GAA: variants seen among roughly 807,000 people sequenced by gnomAD.
GAA encodes lysosomal alpha-glucosidase.
Under a neutral mutation model 103.9 loss-of-function variants are expected in GAA, and 88 were observed. The ratio of observed to expected loss-of-function variants is 0.85; its 90% CI spans 0.71 to 1.01. The LOEUF (loss-of-function observed/expected upper bound fraction) is 1.01, where lower values mean the gene tolerates loss of function less well. GAA is among the 50% of genes least tolerant of loss of function. The pLI, the probability that GAA is intolerant of heterozygous loss-of-function variation, is 0.00. For missense variants in GAA, 1,350 were observed against 1,305.3 expected (o/e 1.03, Z -0.53); for synonymous variants, 572 against 563.1 (o/e 1.02, Z -0.22).
chr17:80,108,476 C>T lies in GAA; in HGVS notation c.1076-13C>T, dbSNP rs780339134. On this transcript the variant is annotated splice_polypyrimidine_tract_variant and intron_variant, in intron 6 of 19. Transcript: ENST00000302262. ...CCTCCTCCCTCCCTCATGAAGTCGG[C>T]GTTGGCCTGCAGGATACCCGTTCAT... 6.8e-6 allele frequency: 11 copies of T among 1,613,160 alleles called. No homozygotes were observed. Among genetic ancestry groups the T allele is most frequent in the Admixed American group, 6.7e-5 (4 of 60,018 alleles).
chr17:80,119,640 C>A lies in GAA; in HGVS notation c.*309C>A. The stretch of plus-strand genomic sequence containing the variant: ...GCCGGCATGCGGGTAGTATTAGCCA[C>A]CCCCCTCCATCTGTTCCCAGCACCG... On this transcript the variant is annotated 3_prime_UTR_variant, in exon 20 of 20. Transcript: ENST00000302262. The A allele has an allele frequency of 2.5e-6, 1 of 392,368 alleles. No homozygotes were observed. Among genetic ancestry groups the A allele is most frequent in the Non-Finnish European group, 4.9e-6 (1 of 204,676 alleles). 24.3% of individuals were successfully genotyped at this position (392,368 alleles called of 1,614,324 possible). A position where few individuals can be genotyped will look rare whatever the true frequency, so the allele number is the denominator to read the frequency against.
In GAA at chr17:80,107,876, T is replaced by C; in HGVS notation, c.935T>C (p.Leu312Pro). Reference sequence around the variant, plus strand: ...GGCGGGTCGGCACACGGGGTGTTCCTGCTAAACAGCAATGCCATGGGTAAG... The same window carrying C: ...GGCGGGTCGGCACACGGGGTGTTCCCGCTAAACAGCAATGCCATGGGTAAG... Reference protein sequence around the residue: ...EDGGSAHGVFLLNSNAMDVVL... With the variant: ...EDGGSAHGVFPLNSNAMDVVL... Residue 312 changes from leucine to proline, a missense_variant, in exon 5 of 20, where the codon CTG becomes CCG. Transcript: ENST00000302262. 6.2e-7 allele frequency: 1 copy of C among 1,611,150 alleles called. No homozygotes were observed. Among genetic ancestry groups the C allele is most frequent in the Non-Finnish European group, 8.5e-7 (1 of 1,179,556 alleles).
intron 17 of GAA, among the ~76,000 whole-genome samples, chr17:80,117,987 G>A (rs565357170): frequency 2.7e-4 from 41 of 152,332 alleles, no homozygotes; most frequent in African/African-American, 8.9e-4. Context: ...TGCCGGGCCC[G>A]GCCTCGGGCA....
rs77924897 is a variant in GAA at position 80,104,287 on chromosome 17, C to T, written c.-32-268C>T. 6.6e-5 allele frequency among the ~76,000 whole-genome samples: 10 copies of T among 152,192 alleles called. No individual in the cohort carries two copies. The East Asian group carries it at 1.7e-3, about 26-fold the overall frequency. The stretch of plus-strand genomic sequence containing the variant: ...TCAAGTGTCTACCTGCCTTGCTGGT[C>T]TTCCTGGGGACATTCTAAGCGTGTT... On this transcript the variant is annotated intron_variant, in intron 1 of 19. Coordinates refer to ENST00000302262, the MANE Select transcript of GAA (RefSeq NM_000152.5). The surrounding 1 kb of genome is among the most constrained non-coding windows in gnomAD (Gnocchi z 4.0).
intron 17 of GAA, 98 bp downstream of exon 17, chr17:80,117,847 T>C (rs1383500560): frequency 1.6e-6 from 2 of 1,274,738 alleles, no homozygotes; most frequent in African/African-American, 3.0e-5. Context: ...AGGTGGGGCT[T>C]CTGAGGGGCC....
rs370236921 is a variant in GAA, at chr17:80,119,338, G to A, written c.*7G>A. 5.1e-5 allele frequency: 83 copies of A among 1,612,774 alleles called. No homozygotes were observed. The highest frequency in any genetic ancestry group is 5.8e-5 in the Non-Finnish European group (68 of 1,178,932). ...TCTCGTCAGCTGGTGTTAGCCGGGC[G>A]GAGTGTGTTAGTCTCTCCAGAGGGA... On this transcript the variant is annotated 3_prime_UTR_variant, in exon 20 of 20. Transcript: ENST00000302262.
rs2039440445 is a variant in GAA, at chr17:80,119,637, C to T, written c.*306C>T. The T allele has an allele frequency of 5.1e-6, 2 of 395,974 alleles. No homozygotes were observed. The highest frequency in any genetic ancestry group is 9.7e-6 in the Non-Finnish European group (2 of 206,782). The allele number at this position is 395,974 out of a possible 1,614,324, so 24.5% of individuals were successfully genotyped here. On this transcript the variant is annotated 3_prime_UTR_variant, in exon 20 of 20. Transcript: ENST00000302262. ...GTTGCCGGCATGCGGGTAGTATTAGCCACCCCCCTCCATCTGTTCCCAGCA... is the reference window on the plus strand; with the variant it reads ...GTTGCCGGCATGCGGGTAGTATTAGTCACCCCCCTCCATCTGTTCCCAGCA...
In GAA at chr17:80,113,257, G is replaced by A; in HGVS notation, c.2080G>A (p.Ala694Thr). ...PYSFSEPAQQ[A>T]MRKALTLRYA... ...CAGCTTCAGCGAGCCGGCCCAGCAG[G>A]CCATGAGGAAGGCCCTCACCCTGCG... Residue 694 changes from alanine to threonine, a missense_variant, in exon 15 of 20, where the codon GCC becomes ACC. Ala to Thr is a moderately conservative substitution (Grantham distance 58, BLOSUM62 0). Coordinates refer to ENST00000302262, the MANE Select transcript of GAA (RefSeq NM_000152.5). The A allele has an allele frequency of 3.7e-6, 6 of 1,602,066 alleles. No homozygotes were observed. Among genetic ancestry groups the A allele is most frequent in the Non-Finnish European group, 5.1e-6 (6 of 1,174,980 alleles).
At chr17:80,111,824 G>T in intron 11 of GAA, 159 bp from the exon 12 acceptor site, 1 of 632,744 alleles carries the variant, frequency 1.6e-6, no homozygotes, top group Non-Finnish European at 2.8e-6. Flanking sequence ...GGTAACGCCA[G>T]CCCCACAGAG....
intron 15 of GAA, among the ~76,000 whole-genome samples, chr17:80,114,844 A>G (rs2039328130): frequency 1.3e-5 from 2 of 152,140 alleles, no homozygotes; most frequent in Admixed American, 1.3e-4. Context: ...GAATTCTCTC[A>G]GTTTTTGTTG....
rs757239086 is a variant in GAA, at chr17:80,118,821, G to A, written c.2799+16G>A. 1.2e-6 allele frequency: 2 copies of A among 1,612,640 alleles called. No individual in the cohort carries two copies. The highest frequency in any genetic ancestry group is 2.2e-5 in the South Asian group (2 of 91,082). ...CGACACCAAGGCAAGAGGGCCCAGA[G>A]TGGCACAGGGATCGCGTCCCCCAGC... is the stretch of plus-strand genomic sequence containing the variant. On this transcript the variant is annotated intron_variant, in intron 19 of 19. Coordinates refer to ENST00000302262, the MANE Select transcript of GAA (RefSeq NM_000152.5).
rs559258217 is a variant in GAA at position 80,112,087 on chromosome 17, A to C, written c.1741A>C (p.Ile581Leu). 1 of 1,613,772 alleles carries C rather than the reference A, an allele frequency of 6.2e-7. No homozygotes were observed. Among genetic ancestry groups the C allele is most frequent in the African/African-American group, 1.3e-5 (1 of 75,032 alleles). ...CAACCTCTACGGCCTGACCGAAGCC[A>C]TCGCCTCCCACAGGTGAGGGCCACG... ...LHNLYGLTEA[I>L]ASHRALVKAR... Residue 581 changes from isoleucine (I) to leucine (L), a missense_variant, in exon 12 of 20, where the codon ATC (isoleucine) becomes CTC (leucine). By Grantham distance (5) the Ile-to-Leu change is conservative. Transcript: ENST00000302262.
Position 80,104,896 on chromosome 17 carries a change from G to A in GAA, c.310G>A (p.Glu104Lys), listed in dbSNP as rs201902338. Reference sequence around the variant, plus strand: ...CAAGGCCATCACCCAGGAACAGTGCGAGGCCCGCGGCTGTTGCTACATCCC... The same window carrying A: ...CAAGGCCATCACCCAGGAACAGTGCAAGGCCCGCGGCTGTTGCTACATCCC... ...PDKAITQEQCEARGCCYIPAK... is the reference protein window; with the variant it reads ...PDKAITQEQCKARGCCYIPAK... Residue 104 changes from glutamate (E) to lysine (K), a missense_variant, in exon 2 of 20, where the codon GAG becomes AAG. By Grantham distance (56) the Glu-to-Lys change is moderately conservative. Coordinates refer to ENST00000302262, the MANE Select transcript of GAA (RefSeq NM_000152.5). This position sits in a 1 kb window ranked among gnomAD's most constrained non-coding sequence, Gnocchi z 4.0. The A allele has an allele frequency of 1.5e-5, 24 of 1,612,628 alleles. No homozygotes were observed. Among genetic ancestry groups the A allele is most frequent in the African/African-American group, 1.2e-4 (9 of 75,030 alleles).
rs1394793812 is a variant in GAA, at chr17:80,101,593, C to G, written c.-330C>G. The G allele has an allele frequency of 6.6e-6, 1 of 150,654 alleles. No homozygotes were observed. Among genetic ancestry groups the G allele is most frequent in the East Asian group, 1.9e-4 (1 of 5,138 alleles). The allele number at this position is 150,654 out of a possible 1,614,324, so 9.3% of individuals were successfully genotyped here. ...GCGCCCCCGGGCACGACCCCGGAGTCTCCGCGGGCGGCCAGGGCGCGCGTG... is the reference window on the plus strand; with the variant it reads ...GCGCCCCCGGGCACGACCCCGGAGTGTCCGCGGGCGGCCAGGGCGCGCGTG... On this transcript the variant is annotated 5_prime_UTR_variant, in exon 1 of 20. Coordinates refer to ENST00000302262, the MANE Select transcript of GAA (RefSeq NM_000152.5).
intron 19 of GAA, 50 bp downstream of exon 19, chr17:80,118,855 A>G (rs759763710): frequency 2.9e-5 from 47 of 1,600,908 alleles, no homozygotes; most frequent in Non-Finnish European, 3.9e-5. Context: ...GCCGTGGTGC[A>G]GGGGGCAGAA....
At position 80,109,982 on chromosome 17, in the gene GAA, A is replaced by T; in HGVS notation, c.1364A>T (p.Tyr455Phe). Residue 455 changes from tyrosine to phenylalanine, a missense_variant, in exon 9 of 20, where the codon TAC becomes TTC. By Grantham distance (22) the Tyr-to-Phe change is conservative. Transcript: ENST00000302262. The part of the protein sequence containing the change: ...AISSSGPAGS[Y>F]RPYDEGLRRG... ...AGCAGCTCGGGCCCTGCCGGGAGCT[A>T]CAGGCCCTACGACGAGGGTCTGCGG... 1 of 1,613,298 alleles carries T rather than the reference A, an allele frequency of 6.2e-7. No homozygotes were observed.
In GAA at chr17:80,117,059, G is replaced by T; in HGVS notation, c.2281G>T (p.Ala761Ser). 6.2e-7 allele frequency: 1 copy of T among 1,613,520 alleles called. No individual in the cohort carries two copies. The highest frequency in any genetic ancestry group is 8.5e-7 in the Non-Finnish European group (1 of 1,180,016). Residue 761 changes from alanine to serine, a missense_variant, in exon 16 of 20, where the codon GCC becomes TCC. Transcript: ENST00000302262. ...LITPVLQAGK[A>S]EVTGYFPLGT... is the part of the protein sequence containing the mutation. ...CACCCCAGTGCTCCAGGCCGGGAAGGCCGAAGTGACTGGCTACTTCCCCTT... is the reference window on the plus strand; with the variant it reads ...CACCCCAGTGCTCCAGGCCGGGAAGTCCGAAGTGACTGGCTACTTCCCCTT...
rs886053548 is a variant in GAA, at chr17:80,119,429, A to G, written c.*98A>G. 4 of 1,020,342 alleles carry G rather than the reference A, an allele frequency of 3.9e-6. No individual in the cohort carries two copies. The highest frequency in any genetic ancestry group is 2.3e-4 in the Middle Eastern group (1 of 4,350). 63.2% of individuals were successfully genotyped at this position (1,020,342 alleles called of 1,614,324 possible). A position where few individuals can be genotyped will look rare whatever the true frequency, so the allele number is the denominator to read the frequency against. On this transcript the variant is annotated 3_prime_UTR_variant, in exon 20 of 20. Coordinates refer to ENST00000302262, the MANE Select transcript of GAA (RefSeq NM_000152.5). ...AGCTGTGTGCGGGCCTGGGGGTTGCATGTGTCACCTGGAGCTGGGCACTAA... is the reference window on the plus strand; with the variant it reads ...AGCTGTGTGCGGGCCTGGGGGTTGCGTGTGTCACCTGGAGCTGGGCACTAA...
At chr17:80,107,336 G>A (rs373284049) in intron 3 of GAA, among the ~76,000 whole-genome samples, 2 of 152,218 alleles carry the variant, frequency 1.3e-5, no homozygotes, top group African/African-American at 4.8e-5. Context: ...GCCAGGCGGT[G>A]CGCCTCTTCT....
Sources: allele counts gnomAD v4.1 joint callset (sites outside exome capture counted in the v4.1 genomes callset), GRCh38; gene constraint gnomAD v4.1.1; non-coding constraint Gnocchi (gnomAD v3.1); transcripts MANE v1.5; gene names NCBI Gene and HGNC (gene_info 2026-07-23, HGNC 2026-07-21).